The following PAM variants were observed in gnomAD, a reference collection of about 807,000 sequenced individuals.
PAM encodes the protein peptidylglycine alpha-amidating monooxygenase, also known as peptidyl-glycine alpha-amidating monooxygenase.
PAM carries 72 observed loss-of-function variants against 122.1 expected under a neutral mutation model. The observed-to-expected ratio is 0.59, with a 90% CI of 0.49 to 0.72. PAM has a LOEUF of 0.72. Among genes scored for constraint, PAM ranks in the 30% least tolerant of loss-of-function variants. PAM has a pLI of 0.00. For missense variants in PAM, 1,106 were observed against 1,183.7 expected, an observed-to-expected ratio of 0.93 and a Z score of 0.96; for synonymous variants, 389 against 404.4, an observed-to-expected ratio of 0.96 and a Z score of 0.46.
At chr5:102,786,793 A>G (rs1344625015) in intron 1 of PAM, among the ~76,000 whole-genome samples, 1 of 152,184 alleles carries the variant, frequency 6.6e-6, no homozygotes, top group Non-Finnish European at 1.5e-5. Flanking sequence ...TCAATAATTT[A>G]CTTGAAAAGA....
At chr5:103,011,850 A>G (rs1272557121) in intron 21 of PAM, among the ~76,000 whole-genome samples, 2 of 152,166 alleles carry the variant, frequency 1.3e-5, no homozygotes, top group East Asian at 1.9e-4. Context: ...ACTGTTCTAT[A>G]TAGTTTTACT....
chr5:102,783,036 G>T (rs915242347), intron 1 of PAM, among the ~76,000 whole-genome samples: 7 of 133,820 alleles, frequency 5.2e-5, no homozygotes, highest in African/African-American at 2.1e-4. Context: ...GTGTGGGGTT[G>T]CAAGGGCAGG....
In PAM at chr5:102,974,421, C is replaced by G; in HGVS notation, c.1468C>G (p.Pro490Ala). 1 of 1,612,068 alleles carries G rather than the reference C, an allele frequency of 6.2e-7. No homozygotes were observed. The highest frequency in any genetic ancestry group is 8.5e-7 in the Non-Finnish European group (1 of 1,178,642). The change falls in exon 15 of 26, where the codon CCA becomes GCA. Residue 490 changes from proline to alanine, a missense_variant. This residue lies in a region of PAM where 670 missense variants were observed against 690.3 expected (regional missense o/e 0.97). Transcript: ENST00000438793. ...QPPPGEGTWE[P>A]EHTGDFHMEE... ...CCCACCTGGTGAAGGCACCTGGGAA[C>G]CAGAACACACAGGAGGTGCGTGTAG...
chr5:103,023,543 T>C (rs74635395), intron 23 of PAM, among the ~76,000 whole-genome samples: 5,499 of 149,018 alleles, frequency 0.037, 343 homozygotes, highest in African/African-American at 0.13. Context: ...TCAGAAAGAA[T>C]AGAAATCACA....
intron 17 of PAM, among the ~76,000 whole-genome samples, chr5:103,003,901 T>C (rs1002813523): frequency 2.0e-5 from 3 of 152,056 alleles, no homozygotes; most frequent in Non-Finnish European, 2.9e-5. Context: ...GTATGTAATT[T>C]GGCTTTGAAA....
chr5:102,873,331 G>T (rs1561710694), intron 3 of PAM: 1 of 152,164 alleles, frequency 6.6e-6, no homozygotes, highest in South Asian at 2.1e-4. Context: ...CTGCAGAAGG[G>T]GAGAAAACCA....
At chr5:102,884,975 A>T (rs571826924) in intron 3 of PAM, among the ~76,000 whole-genome samples, 1 of 151,890 alleles carries the variant, frequency 6.6e-6, no homozygotes, top group South Asian at 2.1e-4. Flanking sequence ...TGCCATGGCA[A>T]CATCGATTTA....
chr5:102,892,631 C>T (rs1416790858), intron 3 of PAM, among the ~76,000 whole-genome samples: 1 of 151,770 alleles, frequency 6.6e-6, no homozygotes, highest in Non-Finnish European at 1.5e-5. Flanking sequence ...TGCCATTTTG[C>T]TTTTTAAAAA....
chr5:102,881,689 CTTT>C (rs74272371), intron 3 of PAM, among the ~76,000 whole-genome samples: 1 of 141,144 alleles, frequency 7.1e-6, no homozygotes, highest in African/African-American at 2.6e-5. Flanking sequence ...GTGATCCTAT[CTTT>C]TTTTTTTTTT....
At chr5:102,950,654 A>C (rs1758559413) in intron 11 of PAM, 63 bp from the exon 12 acceptor site, 1 of 997,616 alleles carries the variant, frequency 1.0e-6, no homozygotes, top group African/African-American at 1.6e-5. Flanking sequence ...CAACACAGTC[A>C]AACATGTAGT....
chr5:102,794,606 A>C (rs562395590), intron 1 of PAM, among the ~76,000 whole-genome samples: 6 of 152,332 alleles, frequency 3.9e-5, no homozygotes, highest in South Asian at 4.1e-4. Flanking sequence ...TTGATTCAAT[A>C]TGAAACAGTG....
chr5:102,775,900 C>T (rs947935473), intron 1 of PAM, among the ~76,000 whole-genome samples: 2 of 151,998 alleles, frequency 1.3e-5, no homozygotes, highest in Admixed American at 1.3e-4. Flanking sequence ...GTAATACATC[C>T]TTGAGGAATT....
At chr5:103,011,605 T>C (rs1432854584) in intron 21 of PAM, among the ~76,000 whole-genome samples, 2 of 152,242 alleles carry the variant, frequency 1.3e-5, no homozygotes, top group African/African-American at 4.8e-5. Flanking sequence ...TTATTCTTTT[T>C]GTGGCTGAAT....
intron 1 of PAM, among the ~76,000 whole-genome samples, chr5:102,786,794 C>T (rs971447593): frequency 1.3e-5 from 2 of 152,016 alleles, no homozygotes; most frequent in African/African-American, 4.8e-5. Context: ...CAATAATTTA[C>T]TTGAAAAGAA....
At chr5:103,027,354 C>G (rs1444822994) in intron 24 of PAM, among the ~76,000 whole-genome samples, 1 of 152,188 alleles carries the variant, frequency 6.6e-6, no homozygotes, top group African/African-American at 2.4e-5. Context: ...TTCCTCTCAT[C>G]TGCGCTATCT....
chr5:102,838,538 T>C (rs888240436), intron 1 of PAM: 3 of 152,178 alleles, frequency 2.0e-5, no homozygotes, highest in Admixed American at 6.5e-5. Flanking sequence ...TTTAAACTCC[T>C]GAGGTTTTAG....
intron 16 of PAM, among the ~76,000 whole-genome samples, chr5:102,996,069 T>C (rs771474956): frequency 6.6e-6 from 1 of 152,188 alleles, no homozygotes; most frequent in Non-Finnish European, 1.5e-5. Flanking sequence ...AATTTTATTT[T>C]CTCCTTACTC....
chr5:102,760,638 A>T lies in PAM; in HGVS notation c.-374+5290A>T, dbSNP rs1376505990. On this transcript the variant is annotated intron_variant, in intron 1 of 25. Transcript: ENST00000438793. ...ATAGAAAATTTCCATCATTGCAGAT[A>T]GTTTTATTGGACATTGCTGGTTTAA... is the stretch of plus-strand genomic sequence containing the variant. Among the ~76,000 whole-genome samples the T allele has an allele frequency of 2.6e-5, 4 of 152,224 alleles. 1 individual carries two copies. The highest frequency in any genetic ancestry group is 9.6e-5 in the African/African-American group (4 of 41,456).
intron 7 of PAM, among the ~76,000 whole-genome samples, chr5:102,944,257 T>C (rs918003546): frequency 6.6e-6 from 1 of 152,088 alleles, no homozygotes; most frequent in Admixed American, 6.6e-5. Context: ...ACTAAAATTA[T>C]TTTTATTGCA....
Sources: gnomAD v4.1 joint callset for allele counts (sites outside exome capture counted in the v4.1 genomes callset) on GRCh38, gnomAD v4.1.1 for gene constraint, gnomAD v4.1.1 regional missense constraint, MANE v1.5 for transcripts, NCBI Gene and HGNC (gene_info 2026-07-23, HGNC 2026-07-21) for gene names.